The following COL21A1 variants were observed in gnomAD, a reference collection of about 807,000 sequenced individuals.
COL21A1 encodes the protein collagen type XXI alpha 1 chain, also known as collagen alpha-1(XXI) chain.
Under a neutral mutation model 137.9 loss-of-function variants are expected in COL21A1, and 149 were observed. The observed-to-expected ratio is 1.08, with a 90% CI of 0.95 to 1.24. The LOEUF is 1.24. Ranked by LOEUF, COL21A1 falls within the 50% of genes most tolerant of loss-of-function variation. The pLI is 0.00. For synonymous variants in COL21A1, 456 were observed against 391.5 expected (o/e 1.16, Z -1.95); for missense variants, 1,167 against 1,158.4 (o/e 1.01, Z -0.11).
chr6:56,258,927 A>G (rs542053961), intron 1 of COL21A1, among the ~76,000 whole-genome samples: 7 of 152,318 alleles, frequency 4.6e-5, no homozygotes, highest in Admixed American at 4.6e-4. Flanking sequence ...TGCTGCATAC[A>G]ATATCCCATC....
chr6:56,070,706 T>C (rs371378132), intron 21 of COL21A1, 39 bp downstream of exon 21: 6 of 1,401,124 alleles, frequency 4.3e-6, no homozygotes, highest in African/African-American at 2.9e-5. Context: ...ATTTACATTA[T>C]AATTTCTTTG....
chr6:56,057,560 A>C lies in COL21A1; in HGVS notation c.*97T>G, dbSNP rs2114011479. On this transcript the variant is annotated 3_prime_UTR_variant, in exon 30 of 30. Coordinates refer to ENST00000244728, the MANE Select transcript of COL21A1 (RefSeq NM_030820.4). ...AAAAATAAAAACACCGAGGTACTTA[A>C]GTTTCTTTTCAAGGGATTACTGTTG... 8.8e-7 allele frequency: 1 copy of C among 1,136,340 alleles called. No individual in the cohort carries two copies. Among genetic ancestry groups the C allele is most frequent in the South Asian group, 1.4e-5 (1 of 70,164 alleles). The allele number at this position is 1,136,340 out of a possible 1,614,324, so 70.4% of individuals were successfully genotyped here.
At chr6:56,196,875 ATT>A (rs1357404099) in intron 1 of COL21A1, among the ~76,000 whole-genome samples, 69 of 152,218 alleles carry the variant, frequency 4.5e-4, no homozygotes, top group African/African-American at 1.6e-3. Context: ...AAATAGAAAA[ATT>A]AAGTCCTAAA....
chr6:56,171,260 G>A lies in COL21A1; in HGVS notation c.641-132C>T, dbSNP rs559688521. 571 of 500,618 alleles carry A rather than the reference G, an allele frequency of 1.1e-3. 1 individual carries two copies. Among genetic ancestry groups the A allele is most frequent in the Non-Finnish European group, 1.6e-3 (479 of 294,630 alleles). The allele number at this position is 500,618 out of a possible 1,614,324, so 31.0% of individuals were successfully genotyped here. ...ATAAAATCTACATATGTATACAAAT[G>A]TATAGTATATAAATGTATATGAATA... On this transcript the variant is annotated intron_variant, in intron 3 of 29. Coordinates refer to ENST00000244728, the MANE Select transcript of COL21A1 (RefSeq NM_030820.4).
intron 1 of COL21A1, among the ~76,000 whole-genome samples, chr6:56,261,128 C>T (rs936578677): frequency 2.0e-5 from 3 of 151,936 alleles, no homozygotes; most frequent in Non-Finnish European, 4.4e-5. Context: ...GTCTGTGAAG[C>T]CGTGACCTCT....
chr6:56,339,779 T>C (rs1324532082), intron 1 of COL21A1, among the ~76,000 whole-genome samples: 1 of 152,154 alleles, frequency 6.6e-6, no homozygotes, highest in African/African-American at 2.4e-5. Context: ...ATAAGAAAAA[T>C]ATTTCCCTTT....
intron 1 of COL21A1, among the ~76,000 whole-genome samples, chr6:56,352,384 C>T (rs1254648404): frequency 1.3e-5 from 2 of 151,874 alleles, no homozygotes. Context: ...TTCCAGAACA[C>T]CCAGAAAGAC....
intron 1 of COL21A1, among the ~76,000 whole-genome samples, chr6:56,364,870 A>G (rs111362026): frequency 1.3e-5 from 2 of 152,176 alleles, no homozygotes; most frequent in African/African-American, 4.8e-5. Flanking sequence ...TAAGGCTTAT[A>G]CAAGAAGGAT....
intron 1 of COL21A1, among the ~76,000 whole-genome samples, chr6:56,378,381 C>T (rs1163354363): frequency 3.9e-5 from 6 of 152,102 alleles, no homozygotes; most frequent in Admixed American, 2.6e-4. Flanking sequence ...ATAGCATCCA[C>T]CACAAGCTGA....
At chr6:56,251,149 T>C (rs1239856116), upstream of COL21A1, among the ~76,000 whole-genome samples, 3 of 152,216 alleles carry the variant, frequency 2.0e-5, no homozygotes, top group African/African-American at 7.2e-5. Context: ...TGGCTGTAAT[T>C]GATATATTGC....
chr6:56,187,689 C>T (rs1033040064), intron 1 of COL21A1, among the ~76,000 whole-genome samples: 3 of 152,054 alleles, frequency 2.0e-5, no homozygotes, highest in African/African-American at 4.8e-5. Flanking sequence ...TTAAATGGAA[C>T]ATAGATCTAG....
intron 1 of COL21A1, among the ~76,000 whole-genome samples, chr6:56,187,864 C>A (rs1290934498): frequency 2.0e-5 from 3 of 152,234 alleles, no homozygotes; most frequent in Admixed American, 6.5e-5. Flanking sequence ...TTAAAAGACA[C>A]CATTTAAGAA....
At chr6:56,272,063 C>T (rs947729009) in intron 1 of COL21A1, among the ~76,000 whole-genome samples, 7 of 152,194 alleles carry the variant, frequency 4.6e-5, no homozygotes, top group African/African-American at 7.2e-5. Context: ...GCAGAGTCCC[C>T]ACTGGGGAAC....
At chr6:56,386,696 C>A (rs2094018979) in intron 1 of COL21A1, among the ~76,000 whole-genome samples, 2 of 151,946 alleles carry the variant, frequency 1.3e-5, no homozygotes, top group Non-Finnish European at 2.9e-5. Context: ...TGATTCTGAG[C>A]ATCTTTTTAT....
intron 1 of COL21A1, among the ~76,000 whole-genome samples, chr6:56,267,092 C>T (rs1041208665): frequency 6.6e-6 from 1 of 152,100 alleles, no homozygotes; most frequent in African/African-American, 2.4e-5. Flanking sequence ...CAGACATTCA[C>T]CAAAATATGT....
intron 14 of COL21A1, 104 bp downstream of exon 14, chr6:56,125,463 A>C: frequency 7.0e-6 from 5 of 716,224 alleles, no homozygotes; most frequent in Non-Finnish European, 1.1e-5. Context: ...AAGGGTGAAC[A>C]GAGCTAACTG....
intron 1 of COL21A1, among the ~76,000 whole-genome samples, chr6:56,286,148 A>G (rs563594258): frequency 6.6e-6 from 1 of 152,334 alleles, no homozygotes; most frequent in African/African-American, 2.4e-5. Context: ...GATACAGTTT[A>G]TGCAAGGTTT....
Position 56,058,272 on chromosome 6 carries a change from A to G in COL21A1, c.2687-428T>C, listed in dbSNP as rs557426241. Reference sequence around the variant, plus strand: ...CAACAAAAAACTGTTTCTATTATACATATTTTTAGTTTCCATATCTAAATG... The same window carrying G: ...CAACAAAAAACTGTTTCTATTATACGTATTTTTAGTTTCCATATCTAAATG... On this transcript the variant is annotated intron_variant, in intron 29 of 29. Transcript: ENST00000244728. Among the ~76,000 whole-genome samples, 4 of 152,268 alleles carry G rather than the reference A, an allele frequency of 2.6e-5. No individual in the cohort carries two copies. The South Asian group carries it at 8.3e-4, about 32-fold the overall frequency.
chr6:56,325,014 T>A (rs1463639112), intron 1 of COL21A1, among the ~76,000 whole-genome samples: 1 of 151,220 alleles, frequency 6.6e-6, no homozygotes, highest in East Asian at 2.0e-4. Flanking sequence ...TCCTAGTTTA[T>A]TACCATTAGA....
Sources: gnomAD v4.1 joint callset for allele counts (sites outside exome capture counted in the v4.1 genomes callset) on GRCh38, gnomAD v4.1.1 for gene constraint, MANE v1.5 for transcripts, NCBI Gene and HGNC (gene_info 2026-07-23, HGNC 2026-07-21) for gene names.